DAG1: variants seen among roughly 807,000 people sequenced by gnomAD.
DAG1 encodes dystroglycan 1.
A neutral mutation model predicts 46.1 loss-of-function variants in DAG1; 8 were observed. That is an observed-to-expected ratio of 0.17 (90% CI 0.10 to 0.31). The LOEUF (loss-of-function observed/expected upper bound fraction) is 0.31. Among genes scored for constraint, DAG1 ranks in the 10% least tolerant of loss-of-function variants. The probability of loss-of-function intolerance (pLI) is 1.00; values close to 1 mark genes in which losing one functional copy is unlikely to be tolerated. For synonymous variants in DAG1, 495 were observed against 481.8 expected, an observed-to-expected ratio of 1.03 and a Z score of -0.36; for missense variants, 1,003 against 1,189.9, an observed-to-expected ratio of 0.84 and a Z score of 2.31.
chr3:49,533,593 T>A lies in DAG1; in HGVS notation c.*394T>A. 2.6e-6 allele frequency: 1 copy of A among 384,294 alleles called. No individual in the cohort carries two copies. Among genetic ancestry groups the A allele is most frequent in the Non-Finnish European group, 5.0e-6 (1 of 199,872 alleles). 23.8% of individuals were successfully genotyped at this position (384,294 alleles called of 1,614,324 possible). On this transcript the variant is annotated 3_prime_UTR_variant, in exon 3 of 3. Transcript: ENST00000308775. ...TTTGCCTTTAACACTAACTGTACTG[T>A]TTTTTCTATTCACGTGTGTCTAGCT...
At position 49,504,744 on chromosome 3, in the gene DAG1, G is replaced by A. The variant is rs553394398; in HGVS notation, c.-116-5675G>A. Among the ~76,000 whole-genome samples, 25 of 145,752 alleles carry A rather than the reference G, an allele frequency of 1.7e-4. No individual in the cohort carries two copies. The East Asian group carries it at 4.1e-3, about 24-fold the overall frequency. On this transcript the variant is annotated intron_variant, in intron 1 of 2. Coordinates refer to ENST00000308775, the MANE Select transcript of DAG1 (RefSeq NM_004393.6). ...TGAGTAGCTGGGACTACAGGCGCCC[G>A]CTACCACGCCCAGCTAATTTTTTTT...
rs147153370 is a variant in DAG1, at chr3:49,531,021, C to A, written c.510C>A (p.Ala170=). ...GTGAGCTGCAGTCGGTGAGGACAGCCTCCCCAGACCCTGGTGAGGTGGTAT... is the reference window on the plus strand; with the variant it reads ...GTGAGCTGCAGTCGGTGAGGACAGCATCCCCAGACCCTGGTGAGGTGGTAT... The part of the protein sequence containing the change: ...DHSELQSVRT[A]SPDPGEVVSS... The change falls in exon 3 of 3, where the codon GCC becomes GCA. Residue 170 remains alanine, a synonymous_variant. Transcript: ENST00000308775. The surrounding 1 kb of genome is among the most constrained non-coding windows in gnomAD (Gnocchi z 7.0). The A allele has an allele frequency of 2.1e-5, 34 of 1,614,054 alleles. No homozygotes were observed. In the African/African-American group the frequency reaches 3.9e-4, roughly 18 times the overall value.
At chr3:49,469,306 C>CAG (rs2049448215), upstream of DAG1, among the ~76,000 whole-genome samples, 2 of 152,316 alleles carry the variant, frequency 1.3e-5, no homozygotes, top group South Asian at 4.1e-4. Flanking sequence ...GGATGAGAAG[C>CAG]AGAGCCCACC....
chr3:49,508,479 A>G (rs1323934615), intron 1 of DAG1, among the ~76,000 whole-genome samples: 2 of 151,526 alleles, frequency 1.3e-5, no homozygotes, highest in East Asian at 1.9e-4. Flanking sequence ...GCTCACTGCA[A>G]CCTCTGCCTA....
upstream of DAG1, among the ~76,000 whole-genome samples, chr3:49,469,386 G>A (rs1259987354): frequency 6.6e-6 from 1 of 152,204 alleles, no homozygotes; most frequent in South Asian, 2.1e-4. Flanking sequence ...GGCTTTTGGG[G>A]TGGGGGGCTG....
intron 1 of DAG1, among the ~76,000 whole-genome samples, chr3:49,503,515 T>C (rs1487330826): frequency 6.6e-6 from 1 of 152,212 alleles, no homozygotes; most frequent in African/African-American, 2.4e-5. Flanking sequence ...ATTTTTTTCT[T>C]TCTTTAAGGT....
rs545200027 is a variant in DAG1, at chr3:49,531,079, G to C, written c.568G>C (p.Val190Leu). Residue 190 changes from valine to leucine, a missense_variant, in exon 3 of 3, where the codon GTT becomes CTT. This residue lies in a region of DAG1 where 196 missense variants were observed against 239.1 expected (regional missense o/e 0.82). Transcript: ENST00000308775. The surrounding 1 kb of genome is among the most constrained non-coding windows in gnomAD (Gnocchi z 7.0). ...CTGTGCTGCGGATGAACCTGTGACT[G>C]TTTTGACGGTGATTTTGGATGCCGA... ...SACAADEPVTVLTVILDADLT... is the reference protein window; with the variant it reads ...SACAADEPVTLLTVILDADLT... 72 of 1,614,180 alleles carry C rather than the reference G, an allele frequency of 4.5e-5. No homozygotes were observed. In the South Asian group the frequency reaches 6.9e-4, roughly 16 times the overall value.
intron 1 of DAG1, among the ~76,000 whole-genome samples, chr3:49,491,854 A>G (rs975241595): frequency 6.6e-6 from 1 of 151,620 alleles, no homozygotes; most frequent in Admixed American, 6.6e-5. Flanking sequence ...CCTGACCTCA[A>G]GTGATCCTCC....
intron 1 of DAG1, among the ~76,000 whole-genome samples, chr3:49,473,498 G>A (rs7647973): frequency 0.2 from 30,026 of 151,940 alleles, 3,374 homozygotes; most frequent in Middle Eastern, 0.28. Flanking sequence ...TTCCTCTTGC[G>A]CACAGCAGGC....
intron 2 of DAG1, among the ~76,000 whole-genome samples, chr3:49,517,371 A>C (rs2050925727): frequency 6.6e-6 from 1 of 152,100 alleles, no homozygotes; most frequent in Non-Finnish European, 1.5e-5. Flanking sequence ...GTGTGTCAGC[A>C]TGCTTTGGAA....
rs188777947 is a variant in DAG1, at chr3:49,498,670, G to C, written c.-116-11749G>C. Among the ~76,000 whole-genome samples, 697 of 150,864 alleles carry C rather than the reference G, an allele frequency of 4.6e-3. 4 individuals are homozygous for C. Among genetic ancestry groups the C allele is most frequent in the Non-Finnish European group, 7.8e-3 (527 of 67,700 alleles). ...ACATGGTATTTTATTATTTTAATCT[G>C]GTTTCAAAATGAATATCCCATTTTC... On this transcript the variant is annotated intron_variant, in intron 1 of 2. Transcript: ENST00000308775.
chr3:49,476,371 C>G (rs1398316408), intron 1 of DAG1, among the ~76,000 whole-genome samples: 1 of 152,118 alleles, frequency 6.6e-6, no homozygotes, highest in Non-Finnish European at 1.5e-5. Context: ...GTGTGGATCA[C>G]CTGAGCTCAG....
intron 1 of DAG1, among the ~76,000 whole-genome samples, chr3:49,478,870 A>G (rs938538867): frequency 3.8e-5 from 5 of 132,080 alleles, no homozygotes; most frequent in South Asian, 4.6e-4. Flanking sequence ...CTGGAGTGCA[A>G]TGGCGTAATC....
At chr3:49,498,844 G>A (rs2050377786) in intron 1 of DAG1, among the ~76,000 whole-genome samples, 1 of 151,996 alleles carries the variant, frequency 6.6e-6, no homozygotes, top group Non-Finnish European at 1.5e-5. Flanking sequence ...AAGTAGCTGT[G>A]ATTACAGGCA....
intron 1 of DAG1, among the ~76,000 whole-genome samples, chr3:49,499,859 G>A (rs1473528434): frequency 6.6e-6 from 1 of 152,046 alleles, no homozygotes; most frequent in African/African-American, 2.4e-5. Flanking sequence ...TTATATCCCT[G>A]ATGACTGATC....
Position 49,529,011 on chromosome 3 carries a change from C to T in DAG1, c.286-1786C>T, listed in dbSNP as rs148892607. On this transcript the variant is annotated intron_variant, in intron 2 of 2. Coordinates refer to ENST00000308775, the MANE Select transcript of DAG1 (RefSeq NM_004393.6). ...GACTACAGGTGCCTGCCACCACATCCGACTAATTTTTGTACTTTTAGTAGA... is the reference window on the plus strand; with the variant it reads ...GACTACAGGTGCCTGCCACCACATCTGACTAATTTTTGTACTTTTAGTAGA... Among the ~76,000 whole-genome samples, 19 of 152,038 alleles carry T rather than the reference C, an allele frequency of 1.2e-4. No homozygotes were observed. In the East Asian group the frequency reaches 2.5e-3, roughly 20 times the overall value.
chr3:49,522,273 C>G (rs954986410), intron 2 of DAG1, among the ~76,000 whole-genome samples: 12 of 151,778 alleles, frequency 7.9e-5, no homozygotes, highest in African/African-American at 2.7e-4. Flanking sequence ...CTCAGGTGAT[C>G]CGCTCACCTC....
chr3:49,490,365 G>T (rs867687027), intron 1 of DAG1, among the ~76,000 whole-genome samples: 8 of 142,518 alleles, frequency 5.6e-5, no homozygotes, highest in Non-Finnish European at 9.2e-5. Context: ...AAAAAAAAAA[G>T]TTTTTTTTTT....
chr3:49,487,878 GT>G (rs2050080311), intron 1 of DAG1, among the ~76,000 whole-genome samples: 1 of 151,430 alleles, frequency 6.6e-6, no homozygotes, highest in Non-Finnish European at 1.5e-5. Context: ...AATTTTTTGT[GT>G]TTTTCATAGA....
Sources: allele counts gnomAD v4.1 joint callset (sites outside exome capture counted in the v4.1 genomes callset), GRCh38; gene constraint gnomAD v4.1.1; regional missense constraint gnomAD v4.1.1; non-coding constraint Gnocchi (gnomAD v3.1); transcripts MANE v1.5; gene names NCBI Gene and HGNC (gene_info 2026-07-23, HGNC 2026-07-21).